ADGRB3: variants seen among roughly 807,000 people sequenced by gnomAD.
ADGRB3 encodes the protein adhesion G protein-coupled receptor B3, also known as brain-specific angiogenesis inhibitor 3.
In ADGRB3, 37 loss-of-function variants were observed where a neutral mutation model predicts 193.4. That is an observed-to-expected ratio of 0.19 (90% CI 0.15 to 0.25). The LOEUF is 0.25. ADGRB3 is among the 10% of genes least tolerant of loss of function. The probability of loss-of-function intolerance (pLI) is 1.00; values close to 1 mark genes in which losing one functional copy is unlikely to be tolerated. For missense variants in ADGRB3, 1,637 were observed against 1,852.9 expected (o/e 0.88, Z 2.14); for synonymous variants, 690 against 644.2 (o/e 1.07, Z -1.08).
At chr6:69,235,007 C>G (rs749199543) in intron 18 of ADGRB3, 25 bp from the exon 19 acceptor site, 2 of 1,556,278 alleles carry the variant, frequency 1.3e-6, no homozygotes, top group Non-Finnish European at 1.8e-6. Context: ...CAATTTGTTT[C>G]TTTTTTGTTT....
chr6:69,128,261 A>G (rs1026807294), intron 17 of ADGRB3, among the ~76,000 whole-genome samples: 3 of 152,102 alleles, frequency 2.0e-5, no homozygotes, highest in Non-Finnish European at 4.4e-5. Flanking sequence ...TTGAAAGTCA[A>G]GTGTATTTCT....
chr6:69,082,137 A>T (rs1344835257), intron 17 of ADGRB3, among the ~76,000 whole-genome samples: 1 of 152,118 alleles, frequency 6.6e-6, no homozygotes, highest in Non-Finnish European at 1.5e-5. Context: ...AACAGAAATC[A>T]TAATGTCTGC....
intron 3 of ADGRB3, among the ~76,000 whole-genome samples, chr6:68,906,174 G>T (rs867251787): frequency 6.6e-6 from 1 of 151,450 alleles, no homozygotes; most frequent in Non-Finnish European, 1.5e-5. Context: ...TTACTCAAAT[G>T]TGGCATTAAT....
chr6:69,240,960 G>T (rs2127261468), intron 20 of ADGRB3, among the ~76,000 whole-genome samples: 1 of 151,978 alleles, frequency 6.6e-6, no homozygotes, highest in Admixed American at 6.6e-5. Flanking sequence ...CAGAGTTTAA[G>T]TTTTTTTCAC....
chr6:68,918,451 A>G (rs1028497908), intron 3 of ADGRB3, among the ~76,000 whole-genome samples: 4 of 152,196 alleles, frequency 2.6e-5, no homozygotes, highest in Admixed American at 6.5e-5. Flanking sequence ...TGTTTAATGG[A>G]TATTACTAAT....
intron 6 of ADGRB3, among the ~76,000 whole-genome samples, chr6:68,944,583 A>T (rs1293547636): frequency 6.6e-5 from 10 of 152,038 alleles, no homozygotes; most frequent in Non-Finnish European, 5.9e-5. Context: ...AAATTTTAAA[A>T]TTTTTCTTTC....
intron 3 of ADGRB3, among the ~76,000 whole-genome samples, chr6:68,909,981 G>A (rs1039138997): frequency 3.3e-5 from 5 of 152,160 alleles, no homozygotes; most frequent in South Asian, 2.1e-4. Flanking sequence ...GAATCGCCAC[G>A]CTGTCTTCCA....
chr6:68,806,752 C>T (rs1767408139), intron 3 of ADGRB3, among the ~76,000 whole-genome samples: 1 of 151,782 alleles, frequency 6.6e-6, no homozygotes. Flanking sequence ...CTTAAATATA[C>T]AGTAGAGTTA....
At chr6:68,892,282 G>A (rs1331439891) in intron 3 of ADGRB3, among the ~76,000 whole-genome samples, 17 of 152,096 alleles carry the variant, frequency 1.1e-4, no homozygotes, top group Admixed American at 1.1e-3. Context: ...CTGAAGCATA[G>A]CAATAACAAA....
intron 17 of ADGRB3, among the ~76,000 whole-genome samples, chr6:69,100,838 G>GAGGAAGGGAAGGAAGA: frequency 1.2e-5 from 1 of 86,648 alleles, no homozygotes; most frequent in African/African-American, 4.2e-5. Context: ...AGGAAGGAAG[G>GAGGAAGGGAAGGAAGA]AAGGAGGGAG....
chr6:69,041,796 T>C (rs542735977), intron 13 of ADGRB3, among the ~76,000 whole-genome samples: 1 of 152,030 alleles, frequency 6.6e-6, no homozygotes, highest in Non-Finnish European at 1.5e-5. Context: ...CTCACTATGT[T>C]GCCCAGGCTG....
chr6:68,793,171 C>T (rs549489970), intron 3 of ADGRB3, among the ~76,000 whole-genome samples: 18 of 152,220 alleles, frequency 1.2e-4, no homozygotes, highest in South Asian at 8.3e-4. Context: ...AGCACAAGTT[C>T]GTGTACATGT....
intron 3 of ADGRB3, among the ~76,000 whole-genome samples, chr6:68,684,184 G>A (rs1463633258): frequency 2.0e-5 from 3 of 152,130 alleles, no homozygotes; most frequent in Non-Finnish European, 2.9e-5. Context: ...TAATGTTCCT[G>A]TATAGTCTTG....
Position 69,332,096 on chromosome 6 carries a change from A to T in ADGRB3, c.3103-827A>T, listed in dbSNP as rs146762961. The T allele has an allele frequency of 1.6e-4, 161 of 985,366 alleles. No homozygotes were observed. The Middle Eastern group carries it at 3.1e-3, about 19-fold the overall frequency. The allele number at this position is 985,366 out of a possible 1,614,324, so 61.0% of individuals were successfully genotyped here. A position where few individuals can be genotyped will look rare whatever the true frequency, so the allele number is the denominator to read the frequency against. On this transcript the variant is annotated intron_variant, in intron 23 of 31. Transcript: ENST00000370598. ...AAAAAGAAGAACATATTTTTCATTT[A>T]CTCATTGGACTGGATTCCTTGATCA... is the stretch of plus-strand genomic sequence containing the variant.
At chr6:69,059,271 G>A (rs1562141485) in intron 15 of ADGRB3, among the ~76,000 whole-genome samples, 1 of 151,948 alleles carries the variant, frequency 6.6e-6, no homozygotes, top group Non-Finnish European at 1.5e-5. Context: ...TATAAGTGTA[G>A]CCAACCTCAT....
At chr6:69,208,133 C>T (rs2127236740) in intron 17 of ADGRB3, among the ~76,000 whole-genome samples, 1 of 152,292 alleles carries the variant, frequency 6.6e-6, no homozygotes, top group Non-Finnish European at 1.5e-5. Flanking sequence ...TCCATTCCTG[C>T]CACCATGGCC....
chr6:68,886,679 G>C (rs535979841), intron 3 of ADGRB3, among the ~76,000 whole-genome samples: 1 of 152,116 alleles, frequency 6.6e-6, no homozygotes, highest in East Asian at 1.9e-4. Context: ...AAAATAATTA[G>C]ATTAAGAAAT....
At chr6:68,793,675 C>T (rs1190535189) in intron 3 of ADGRB3, among the ~76,000 whole-genome samples, 3 of 152,072 alleles carry the variant, frequency 2.0e-5, no homozygotes, top group East Asian at 3.9e-4. Flanking sequence ...AATACAGGCG[C>T]GTGCCACCAT....
intron 17 of ADGRB3, among the ~76,000 whole-genome samples, chr6:69,090,929 G>A (rs1772687049): frequency 6.6e-6 from 1 of 152,040 alleles, no homozygotes; most frequent in South Asian, 2.1e-4. Flanking sequence ...CCTGAAATTT[G>A]ATTAAATTAA....
Sources: allele counts gnomAD v4.1 joint callset (sites outside exome capture counted in the v4.1 genomes callset), GRCh38; gene constraint gnomAD v4.1.1; transcripts MANE v1.5; gene names NCBI Gene and HGNC (gene_info 2026-07-23, HGNC 2026-07-21).